NRG1: variants seen among roughly 807,000 people sequenced by gnomAD.
NRG1 encodes neuregulin 1.
A neutral mutation model predicts 63.8 loss-of-function variants in NRG1; 18 were observed. That is an observed-to-expected ratio of 0.28 (90% CI 0.19 to 0.42). The LOEUF (loss-of-function observed/expected upper bound fraction) is 0.42, where lower values mean the gene tolerates loss of function less well. Among genes scored for constraint, NRG1 ranks in the 10% least tolerant of loss-of-function variants. The probability of loss-of-function intolerance (pLI) is 1.00; values close to 1 mark genes in which losing one functional copy is unlikely to be tolerated. For synonymous variants in NRG1, 302 were observed against 301.3 expected, an observed-to-expected ratio of 1.00 and a Z score of -0.02; for missense variants, 762 against 814.7, an observed-to-expected ratio of 0.94 and a Z score of 0.79.
chr8:31,805,932 T>C (rs375872422), intron 1 of NRG1, among the ~76,000 whole-genome samples: 17 of 151,944 alleles, frequency 1.1e-4, no homozygotes, highest in East Asian at 9.6e-4. Context: ...CTTAAAGAAT[T>C]CTGACTGAAA....
intron 1 of NRG1, among the ~76,000 whole-genome samples, chr8:31,865,062 C>T (rs982565760): frequency 7.9e-5 from 12 of 152,152 alleles, no homozygotes; most frequent in South Asian, 2.1e-4. Flanking sequence ...GGCTAACGAA[C>T]GCTCCTTTCC....
intron 1 of NRG1, among the ~76,000 whole-genome samples, chr8:31,872,565 G>C (rs952656947): frequency 6.6e-6 from 1 of 152,120 alleles, no homozygotes; most frequent in African/African-American, 2.4e-5. Flanking sequence ...CTTTTGGGGA[G>C]AAACAGACAT....
chr8:31,701,159 G>A (rs1810588413), intron 1 of NRG1, among the ~76,000 whole-genome samples: 1 of 152,060 alleles, frequency 6.6e-6, no homozygotes, highest in Non-Finnish European at 1.5e-5. Flanking sequence ...TGTAGTGAGA[G>A]CATATACTTA....
chr8:32,110,162 C>G (rs1831821671), intron 1 of NRG1, among the ~76,000 whole-genome samples: 1 of 152,070 alleles, frequency 6.6e-6, no homozygotes, highest in Non-Finnish European at 1.5e-5. Context: ...GTGTATTTAT[C>G]TAAGTGGGGG....
intron 1 of NRG1, among the ~76,000 whole-genome samples, chr8:32,298,892 T>C (rs1430587671): frequency 6.7e-6 from 1 of 149,470 alleles, no homozygotes; most frequent in Non-Finnish European, 1.5e-5. Flanking sequence ...CTGGGGATGG[T>C]GGCATGTACC....
At chr8:31,865,438 G>T (rs1828866334) in intron 1 of NRG1, among the ~76,000 whole-genome samples, 1 of 152,092 alleles carries the variant, frequency 6.6e-6, no homozygotes, top group African/African-American at 2.4e-5. Context: ...TCTACCATAT[G>T]ATATGGTTTT....
chr8:32,277,865 TA>T (rs147755442), intron 1 of NRG1, among the ~76,000 whole-genome samples: 1 of 152,074 alleles, frequency 6.6e-6, no homozygotes, highest in East Asian at 1.9e-4. Flanking sequence ...CTACAGAAAA[TA>T]AAATTCACCA....
chr8:32,626,322 A>T (rs1484767888), intron 5 of NRG1, among the ~76,000 whole-genome samples: 1 of 152,056 alleles, frequency 6.6e-6, no homozygotes, highest in East Asian at 1.9e-4. Flanking sequence ...CATAATGGGA[A>T]GTAAAATATG....
At chr8:32,758,840 G>C (rs1830152064) in intron 9 of NRG1, among the ~76,000 whole-genome samples, 1 of 152,080 alleles carries the variant, frequency 6.6e-6, no homozygotes, top group Non-Finnish European at 1.5e-5. Context: ...CCAACATATA[G>C]AGATTCTGAA....
intron 1 of NRG1, among the ~76,000 whole-genome samples, chr8:32,583,501 T>C (rs955225539): frequency 6.6e-6 from 1 of 152,214 alleles, no homozygotes; most frequent in Admixed American, 6.5e-5. Flanking sequence ...ACAAAGAATC[T>C]AATTAACCTT....
At chr8:31,953,001 T>G (rs987410956) in intron 1 of NRG1, among the ~76,000 whole-genome samples, 2 of 152,226 alleles carry the variant, frequency 1.3e-5, no homozygotes, top group Non-Finnish European at 2.9e-5. Flanking sequence ...TTCATTCTCA[T>G]GGACCTACCT....
At chr8:32,201,980 T>A (rs1015613499) in intron 1 of NRG1, among the ~76,000 whole-genome samples, 42 of 152,284 alleles carry the variant, frequency 2.8e-4, no homozygotes, top group Admixed American at 1.2e-3. Flanking sequence ...ATTTCTTGTA[T>A]GTAAACTCTC....
intron 1 of NRG1, among the ~76,000 whole-genome samples, chr8:31,858,249 A>G (rs539416407): frequency 2.6e-4 from 39 of 151,922 alleles, no homozygotes; most frequent in African/African-American, 9.2e-4. Context: ...CAATGAGCTG[A>G]GATGGCGCCA....
chr8:32,577,395 A>G (rs1334208504), intron 1 of NRG1, among the ~76,000 whole-genome samples: 1 of 152,222 alleles, frequency 6.6e-6, no homozygotes, highest in African/African-American at 2.4e-5. Context: ...GGCCTGGGGA[A>G]GTTGTCTGCA....
At chr8:31,923,475 C>T (rs568998704) in intron 1 of NRG1, among the ~76,000 whole-genome samples, 45 of 152,184 alleles carry the variant, frequency 3.0e-4, no homozygotes, top group African/African-American at 1.1e-3. Context: ...ACATAAAATG[C>T]ATTACTAATT....
chr8:31,935,586 A>AGGC (rs1835235922), intron 1 of NRG1, among the ~76,000 whole-genome samples: 3 of 152,162 alleles, frequency 2.0e-5, no homozygotes, highest in Non-Finnish European at 4.4e-5. Flanking sequence ...ACAGGTGAGA[A>AGGC]ACTGAACCTC....
chr8:32,523,546 T>C (rs1456658564), intron 1 of NRG1, among the ~76,000 whole-genome samples: 2 of 152,164 alleles, frequency 1.3e-5, no homozygotes, highest in Non-Finnish European at 2.9e-5. Context: ...AGAAGCTCTT[T>C]GGGGGTCCTC....
At chr8:32,670,445 T>G (rs1805336114) in intron 5 of NRG1, among the ~76,000 whole-genome samples, 1 of 152,144 alleles carries the variant, frequency 6.6e-6, no homozygotes, top group South Asian at 2.1e-4. Context: ...CCAAAGAGAA[T>G]GGCTGACTAT....
chr8:31,994,653 CAAAAAA>C (rs59019886), intron 1 of NRG1, among the ~76,000 whole-genome samples: 17 of 62,334 alleles, frequency 2.7e-4, no homozygotes, highest in Admixed American at 8.3e-4. Context: ...TACTCTGTCT[CAAAAAA>C]AAAAAAAAAA....
Sources: gnomAD v4.1 joint callset for allele counts (sites outside exome capture counted in the v4.1 genomes callset) on GRCh38, gnomAD v4.1.1 for gene constraint, MANE v1.5 for transcripts, NCBI Gene and HGNC (gene_info 2026-07-23, HGNC 2026-07-21) for gene names.